Variants in SEMA3A observed in about 807,000 individuals in gnomAD.
The protein encoded by SEMA3A is semaphorin 3A.
Under a neutral mutation model 97.9 loss-of-function variants are expected in SEMA3A, and 29 were observed. The observed-to-expected ratio is 0.30, with a 90% CI of 0.22 to 0.40. The LOEUF (loss-of-function observed/expected upper bound fraction) is 0.40. Among genes scored for constraint, SEMA3A ranks in the 10% least tolerant of loss-of-function variants. SEMA3A has a pLI of 1.00. For synonymous variants in SEMA3A, 321 were observed against 323.7 expected (o/e 0.99, Z 0.09); for missense variants, 763 against 951.3 (o/e 0.80, Z 2.60).
At chr7:84,175,188 T>C (rs73709582) in intron 1 of SEMA3A, among the ~76,000 whole-genome samples, 1 of 152,114 alleles carries the variant, frequency 6.6e-6, no homozygotes. Context: ...GGTTTCCTTA[T>C]CTGTAAAATG....
At chr7:84,369,522 T>C (rs1802926563) in intron 2 of SEMA3A, among the ~76,000 whole-genome samples, 1 of 151,154 alleles carries the variant, frequency 6.6e-6, no homozygotes, top group African/African-American at 2.4e-5. Flanking sequence ...GAATCTAGTC[T>C]TCAGATGATT....
intron 14 of SEMA3A, 108 bp from the exon 15 acceptor site, chr7:83,977,304 C>T (rs1789191340): frequency 2.1e-6 from 1 of 468,220 alleles, no homozygotes; most frequent in African/African-American, 2.0e-5. Context: ...ATCATAGACT[C>T]TAGTAACTTA....
chr7:84,036,351 T>G (rs1791938525), intron 6 of SEMA3A, among the ~76,000 whole-genome samples: 1 of 152,130 alleles, frequency 6.6e-6, no homozygotes, highest in African/African-American at 2.4e-5. Flanking sequence ...TAATTTTGTT[T>G]CTTATAACAG....
At chr7:84,050,937 G>C (rs995550037) in intron 5 of SEMA3A, among the ~76,000 whole-genome samples, 11 of 151,608 alleles carry the variant, frequency 7.3e-5, no homozygotes, top group African/African-American at 2.7e-4. Flanking sequence ...TGGCTAGCCA[G>C]TTTTCCCAGC....
rs1367480817 is a variant in SEMA3A, at chr7:84,053,875, G to A, written c.547+6590C>T. On this transcript the variant is annotated intron_variant, in intron 5 of 16. Coordinates refer to ENST00000265362, the MANE Select transcript of SEMA3A (RefSeq NM_006080.3). ...CCGGTTGTTCCTTTCCATGTTTAGC[G>A]CTTCCTTCAGGAGCTCTTTTAGGGC... Among the ~76,000 whole-genome samples, 411 of 121,602 alleles carry A rather than the reference G, an allele frequency of 3.4e-3. 2 individuals are homozygous for A. Among genetic ancestry groups the A allele is most frequent in the Non-Finnish European group, 5.5e-3 (294 of 53,308 alleles). 79.8% of individuals were successfully genotyped at this position (121,602 alleles called of 152,430 possible).
chr7:84,197,739 T>C (rs1798266034), upstream of SEMA3A, among the ~76,000 whole-genome samples: 1 of 135,476 alleles, frequency 7.4e-6, no homozygotes, highest in African/African-American at 2.9e-5. Flanking sequence ...TCTTTTTTTT[T>C]TTTTTTTTTT....
At chr7:84,031,445 T>C (rs1289110825) in intron 6 of SEMA3A, among the ~76,000 whole-genome samples, 1 of 152,188 alleles carries the variant, frequency 6.6e-6, no homozygotes, top group African/African-American at 2.4e-5. Context: ...GATAAACTGA[T>C]TGACAATAAA....
chr7:84,048,085 T>C (rs918379922), intron 5 of SEMA3A, among the ~76,000 whole-genome samples: 6 of 152,180 alleles, frequency 3.9e-5, no homozygotes, highest in Middle Eastern at 6.8e-3. Flanking sequence ...TTTTGGATTG[T>C]TGTGATTCAA....
rs141945664 is a variant in SEMA3A, at chr7:84,072,967, C to T, written c.454-12409G>A. Among the ~76,000 whole-genome samples the T allele has an allele frequency of 5.5e-4, 84 of 152,058 alleles. No individual in the cohort carries two copies. In the East Asian group the frequency reaches 0.015, roughly 27 times the overall value. Reference sequence around the variant, plus strand: ...GCTAATAATGGAGGGAATAAGAATTCGATAACATCTTTTTCCAAAAACATG... The same window carrying T: ...GCTAATAATGGAGGGAATAAGAATTTGATAACATCTTTTTCCAAAAACATG... On this transcript the variant is annotated intron_variant, in intron 4 of 16. Transcript: ENST00000265362.
intron 1 of SEMA3A, among the ~76,000 whole-genome samples, chr7:84,376,268 G>GC (rs1357824975): frequency 2.0e-5 from 3 of 152,110 alleles, no homozygotes. Context: ...CTTTCACACT[G>GC]TTTTTTATGG....
At chr7:84,210,385 A>C in intron 3 of SEMA3A, among the ~76,000 whole-genome samples, 1 of 152,162 alleles carries the variant, frequency 6.6e-6, no homozygotes, top group Non-Finnish European at 1.5e-5. Context: ...GGTGAAGAAA[A>C]ATGGAAGAGG....
At chr7:84,048,449 T>C (rs185243016) in intron 5 of SEMA3A, among the ~76,000 whole-genome samples, 20 of 152,114 alleles carry the variant, frequency 1.3e-4, no homozygotes, top group African/African-American at 4.8e-4. Context: ...TCCCAAAATA[T>C]TAGCAAATAG....
intron 4 of SEMA3A, among the ~76,000 whole-genome samples, chr7:84,109,811 T>C (rs1003066982): frequency 2.6e-5 from 4 of 152,222 alleles, no homozygotes; most frequent in Non-Finnish European, 4.4e-5. Context: ...TTGAAGGCTA[T>C]TGATAAGCCA....
chr7:84,056,437 A>G lies in SEMA3A; in HGVS notation c.547+4028T>C, dbSNP rs534562965. Among the ~76,000 whole-genome samples, 175 of 152,304 alleles carry G rather than the reference A, an allele frequency of 1.1e-3. 1 individual carries two copies. Among genetic ancestry groups the G allele is most frequent in the African/African-American group, 4.1e-3 (170 of 41,572 alleles). On this transcript the variant is annotated intron_variant, in intron 5 of 16. Coordinates refer to ENST00000265362, the MANE Select transcript of SEMA3A (RefSeq NM_006080.3). Reference sequence around the variant, plus strand: ...GAAACAAAACCACATTTCCTGATGAAATTGCAGCATTACTAACACAGGTGA... The same window carrying G: ...GAAACAAAACCACATTTCCTGATGAGATTGCAGCATTACTAACACAGGTGA...
At chr7:83,995,823 C>A (rs1435333591) in intron 12 of SEMA3A, among the ~76,000 whole-genome samples, 1 of 152,162 alleles carries the variant, frequency 6.6e-6, no homozygotes, top group East Asian at 1.9e-4. Flanking sequence ...ACCTGCTGAT[C>A]TCAGGAGATT....
intron 3 of SEMA3A, among the ~76,000 whole-genome samples, chr7:84,248,504 A>G (rs1196039944): frequency 6.6e-6 from 1 of 152,156 alleles, no homozygotes; most frequent in Non-Finnish European, 1.5e-5. Context: ...GAGCATTCAC[A>G]TGTCTTTTTG....
chr7:84,064,432 A>G (rs1793391975), intron 4 of SEMA3A, among the ~76,000 whole-genome samples: 1 of 152,146 alleles, frequency 6.6e-6, no homozygotes, highest in Non-Finnish European at 1.5e-5. Context: ...TTAACTTTAA[A>G]TGTAAATGGA....
intron 4 of SEMA3A, among the ~76,000 whole-genome samples, chr7:84,062,431 T>C (rs993726617): frequency 2.0e-5 from 3 of 152,334 alleles, no homozygotes; most frequent in Non-Finnish European, 2.9e-5. Flanking sequence ...GATGGCCGAA[T>C]AGGAACAGCT....
chr7:84,490,487 G>C (rs1306477298), intron 1 of SEMA3A, among the ~76,000 whole-genome samples: 1 of 152,082 alleles, frequency 6.6e-6, no homozygotes, highest in East Asian at 1.9e-4. Context: ...AGTTCATTAA[G>C]TTAACTGAAA....
Sources: gnomAD v4.1 joint callset for allele counts (sites outside exome capture counted in the v4.1 genomes callset) on GRCh38, gnomAD v4.1.1 for gene constraint, MANE v1.5 for transcripts, NCBI Gene and HGNC (gene_info 2026-07-23, HGNC 2026-07-21) for gene names.